Variants in TRPM2 observed in about 807,000 individuals in gnomAD.
TRPM2 encodes transient receptor potential cation channel subfamily M member 2, also known as estrogen-responsive element-associated gene 1 protein.
In TRPM2, 161 loss-of-function variants were observed where a neutral mutation model predicts 174.0. The ratio of observed to expected loss-of-function variants is 0.93; its 90% CI spans 0.81 to 1.05. The LOEUF is 1.05. Among genes scored for constraint, TRPM2 ranks in the 50% least tolerant of loss-of-function variants. The pLI is 0.00. For synonymous variants in TRPM2, 954 were observed against 861.3 expected, an observed-to-expected ratio of 1.11 and a Z score of -1.88; for missense variants, 2,057 against 2,038.0, an observed-to-expected ratio of 1.01 and a Z score of -0.18.
At chr21:44,411,849 T>C (rs750543518) in intron 19 of TRPM2, among the ~76,000 whole-genome samples, 3 of 152,216 alleles carry the variant, frequency 2.0e-5, no homozygotes, top group Admixed American at 1.3e-4. Flanking sequence ...CTTATTCAAA[T>C]GTTCAGATGG....
intron 19 of TRPM2, among the ~76,000 whole-genome samples, chr21:44,407,100 A>G (rs1484736136): frequency 1.6e-5 from 1 of 62,740 alleles, no homozygotes; most frequent in Non-Finnish European, 3.5e-5. Context: ...AATCAGAAAT[A>G]ACTTCCTTCT....
chr21:44,428,581 ACTCCTCCCCTTAGGTGTGG>A (rs1410691936), intron 27 of TRPM2, among the ~76,000 whole-genome samples: 2 of 54,676 alleles, frequency 3.7e-5, no homozygotes, highest in Non-Finnish European at 7.0e-5. Context: ...CTGAGGTGTG[ACTCCTCCCCTTAGGTGTGG>A]CTCCTCCCCT....
intron 4 of TRPM2, among the ~76,000 whole-genome samples, chr21:44,368,416 T>C (rs1602142002): frequency 1.3e-5 from 2 of 148,756 alleles, no homozygotes; most frequent in Admixed American, 6.7e-5. Context: ...TGATTGGCTG[T>C]TTTTTTTATT....
chr21:44,352,716 G>A (rs1484093121), upstream of TRPM2, among the ~76,000 whole-genome samples: 2 of 152,240 alleles, frequency 1.3e-5, no homozygotes, highest in Non-Finnish European at 2.9e-5. Context: ...TTTCTCATTT[G>A]TAAAGGGAGG....
At chr21:44,431,932 T>C (rs1489761695) in intron 27 of TRPM2, among the ~76,000 whole-genome samples, 3 of 152,158 alleles carry the variant, frequency 2.0e-5, no homozygotes, top group Non-Finnish European at 4.4e-5. Flanking sequence ...GCTGTAACCC[T>C]AAACTAACAC....
chr21:44,366,734 CCGTTTTCCCTTTCCCGCAGTACGTCCG>C lies in TRPM2; in HGVS notation c.424-19_431del. 6.2e-7 allele frequency: 1 copy of C among 1,613,666 alleles called. No homozygotes were observed. The highest frequency in any genetic ancestry group is 8.5e-7 in the Non-Finnish European group (1 of 1,179,922). ...ACCACTGACACACAGGTTCCCTCCGCCGTTTTCCCTTTCCCGCAGTACGTCCGAGTCTCCCAGGACACGCCCTCCAGC... is the reference window on the plus strand; with the variant it reads ...ACCACTGACACACAGGTTCCCTCCGCAGTCTCCCAGGACACGCCCTCCAGC... On this transcript the variant is annotated splice_acceptor_variant and splice_polypyrimidine_tract_variant and coding_sequence_variant and intron_variant, in exon 4 of 32. Coordinates refer to ENST00000397928, the MANE Select transcript of TRPM2 (RefSeq NM_003307.4). LOFTEE classifies it high-confidence loss of function. The surrounding 1 kb of genome is among the most constrained non-coding windows in gnomAD (Gnocchi z 6.0).
At chr21:44,410,691 A>T (rs62218776) in intron 19 of TRPM2, among the ~76,000 whole-genome samples, 3 of 43,844 alleles carry the variant, frequency 6.8e-5, no homozygotes, top group African/African-American at 1.4e-4. Flanking sequence ...AGTTTTGACC[A>T]CACTGTCTTG....
At chr21:44,418,706 C>A in intron 22 of TRPM2, 151 bp downstream of exon 22, 2 of 1,043,528 alleles carry the variant, frequency 1.9e-6, no homozygotes, top group South Asian at 1.5e-5. Flanking sequence ...TGCAATGCTG[C>A]AGGCATCCGG....
At chr21:44,418,395 C>T (rs1253067479) in intron 21 of TRPM2, 28 bp from the exon 22 acceptor site, 4 of 1,611,644 alleles carry the variant, frequency 2.5e-6, no homozygotes, top group South Asian at 1.1e-5. Flanking sequence ...GATTCCAGGT[C>T]CCCTGGTCTG....
chr21:44,353,784 G>A lies in TRPM2; in HGVS notation c.84G>A (p.Gly28=). The change falls in exon 1 of 32, where the codon GGG becomes GGA. Residue 28 remains glycine, a synonymous_variant. Coordinates refer to ENST00000397928, the MANE Select transcript of TRPM2 (RefSeq NM_003307.4). The part of the protein sequence containing the change: ...EGLPRRVTDL[G]MVSNLRRSNS... The stretch of plus-strand genomic sequence containing the variant: ...TGCCCAGAAGGGTCACTGACCTGGG[G>A]ATGGTCTCCAATCTCCGGCGCAGCA... 1 of 1,604,262 alleles carries A rather than the reference G, an allele frequency of 6.2e-7. No homozygotes were observed. The highest frequency in any genetic ancestry group is 8.5e-7 in the Non-Finnish European group (1 of 1,176,026).
rs1307428591 is a variant in TRPM2 at position 44,399,049 on chromosome 21, A to G, written c.2063-247A>G. On this transcript the variant is annotated intron_variant, in intron 13 of 31. Transcript: ENST00000397928. The surrounding 1 kb of genome is among the most constrained non-coding windows in gnomAD (Gnocchi z 4.6). ...GAGGCAAGATGGAGTCCATTAGGTC[A>G]GTTCTCGGTCCCTGTCTGAGTTTTC... is the stretch of plus-strand genomic sequence containing the variant. Among the ~76,000 whole-genome samples, 1 of 152,126 alleles carries G rather than the reference A, an allele frequency of 6.6e-6. No individual in the cohort carries two copies.
At position 44,399,478 on chromosome 21, in the gene TRPM2, T is replaced by A. The variant is rs1244938400; in HGVS notation, c.2208+37T>A. The A allele has an allele frequency of 1.3e-6, 2 of 1,592,360 alleles. No individual in the cohort carries two copies. Among genetic ancestry groups the A allele is most frequent in the East Asian group, 2.2e-5 (1 of 44,534 alleles). On this transcript the variant is annotated intron_variant, in intron 14 of 31. Coordinates refer to ENST00000397928, the MANE Select transcript of TRPM2 (RefSeq NM_003307.4). This position sits in a 1 kb window ranked among gnomAD's most constrained non-coding sequence, Gnocchi z 4.6. ...AGAGCCCCTTCCAGAAACAGACGCCTGTGGTGCCTGCAGGGCGGACACAGC... is the reference window on the plus strand; with the variant it reads ...AGAGCCCCTTCCAGAAACAGACGCCAGTGGTGCCTGCAGGGCGGACACAGC...
chr21:44,382,152 T>C (rs1341794933), intron 8 of TRPM2, among the ~76,000 whole-genome samples: 5 of 151,964 alleles, frequency 3.3e-5, no homozygotes, highest in Non-Finnish European at 7.4e-5. Context: ...GATGGATACA[T>C]GGATAGATGG....
intron 2 of TRPM2, among the ~76,000 whole-genome samples, chr21:44,357,190 C>T (rs1042176954): frequency 5.3e-5 from 8 of 152,214 alleles, no homozygotes; most frequent in Non-Finnish European, 7.3e-5. Context: ...CTGGTTTGAA[C>T]GCCGCTGACA....
chr21:44,429,272 C>CTTTTTTTTT (rs1601245878), intron 27 of TRPM2, among the ~76,000 whole-genome samples: 1 of 62,340 alleles, frequency 1.6e-5, no homozygotes, highest in Admixed American at 1.5e-4. Context: ...ACATTTTTTT[C>CTTTTTTTTT]TTTTTCTTTT....
In TRPM2 at chr21:44,405,975, C is replaced by T; in HGVS notation, c.2728C>T (p.Leu910Phe). 1.2e-6 allele frequency: 2 copies of T among 1,608,940 alleles called. No homozygotes were observed. The highest frequency in any genetic ancestry group is 8.5e-7 in the Non-Finnish European group (1 of 1,179,764). ...SLDFILFCLR[L>F]MHIFTISKTL... ...GGACTTCATCCTGTTCTGCCTCCGG[C>T]TCATGCACATTTTTACCATCAGTAA... The change falls in exon 18 of 32, where the codon CTC (leucine) becomes TTC (phenylalanine). Residue 910 changes from leucine (L) to phenylalanine (F), a missense_variant. Coordinates refer to ENST00000397928, the MANE Select transcript of TRPM2 (RefSeq NM_003307.4).
At chr21:44,419,757 A>G (rs1187035203) in intron 22 of TRPM2, among the ~76,000 whole-genome samples, 14 of 121,628 alleles carry the variant, frequency 1.2e-4, no homozygotes, top group African/African-American at 3.1e-4. Context: ...TGATGATGGC[A>G]GTGGTGGTGG....
At chr21:44,389,330 G>A (rs1302255830) in intron 9 of TRPM2, among the ~76,000 whole-genome samples, 1 of 152,162 alleles carries the variant, frequency 6.6e-6, no homozygotes, top group Non-Finnish European at 1.5e-5. Flanking sequence ...CCATTCATCT[G>A]TTGGGGTGCA....
rs2051356177 is a variant in TRPM2 at position 44,438,371 on chromosome 21, G to A, written c.4168-696G>A. Among the ~76,000 whole-genome samples, 1 of 152,204 alleles carries A rather than the reference G, an allele frequency of 6.6e-6. No individual in the cohort carries two copies. The highest frequency in any genetic ancestry group is 1.9e-4 in the East Asian group (1 of 5,184). On this transcript the variant is annotated intron_variant, in intron 29 of 31. Coordinates refer to ENST00000397928, the MANE Select transcript of TRPM2 (RefSeq NM_003307.4). The surrounding 1 kb of genome is among the most constrained non-coding windows in gnomAD (Gnocchi z 5.9). ...ACTGGCATCCCTGTCAGCTCAGGCT[G>A]GTCACTGAGAGGGGCACTCTGAGGG...
Sources: gnomAD v4.1 joint callset for allele counts (sites outside exome capture counted in the v4.1 genomes callset) on GRCh38, gnomAD v4.1.1 for gene constraint, Gnocchi (gnomAD v3.1) non-coding constraint, MANE v1.5 for transcripts, NCBI Gene and HGNC (gene_info 2026-07-23, HGNC 2026-07-21) for gene names.